Variants in IMMP2L observed in about 807,000 individuals in gnomAD.
The protein encoded by IMMP2L is mitochondrial inner membrane protease subunit 2.
Under a neutral mutation model 19.3 loss-of-function variants are expected in IMMP2L, and 18 were observed. The observed-to-expected ratio is 0.93, with a 90% confidence interval of 0.64 to 1.38. The LOEUF (loss-of-function observed/expected upper bound fraction) is 1.38, where lower values mean the gene tolerates loss of function less well. Among genes scored for constraint, IMMP2L ranks in the 40% most tolerant of loss-of-function variants. The pLI is 0.00. For missense variants in IMMP2L, 233 were observed against 218.2 expected, an observed-to-expected ratio of 1.07 and a Z score of -0.43; for synonymous variants, 76 against 73.0, an observed-to-expected ratio of 1.04 and a Z score of -0.21.
intron 3 of IMMP2L, among the ~76,000 whole-genome samples, chr7:111,214,593 T>C (rs1055172922): frequency 5.6e-5 from 8 of 143,142 alleles, no homozygotes; most frequent in African/African-American, 2.0e-4. Flanking sequence ...CCTCAGGTGA[T>C]CCACCTGCCT....
Position 111,349,822 on chromosome 7 carries a change from T to C in IMMP2L, c.239+137416A>G, listed in dbSNP as rs149276906. Among the ~76,000 whole-genome samples the C allele has an allele frequency of 8.5e-5, 13 of 152,250 alleles. No homozygotes were observed. In the East Asian group the frequency reaches 2.1e-3, roughly 25 times the overall value. ...CCTTCTAGCTTGACTTCCTCTCCTA[T>C]TGTCTCTCAGGAGCCCTCTCCCTGT... On this transcript the variant is annotated intron_variant, in intron 3 of 5. Coordinates refer to ENST00000405709, the MANE Select transcript of IMMP2L (RefSeq NM_032549.4).
intron 3 of IMMP2L, among the ~76,000 whole-genome samples, chr7:110,997,061 C>T (rs1413569150): frequency 6.6e-6 from 1 of 152,042 alleles, no homozygotes; most frequent in Non-Finnish European, 1.5e-5. Flanking sequence ...ACACCCACCT[C>T]CTTCCCTCTC....
intron 3 of IMMP2L, among the ~76,000 whole-genome samples, chr7:111,206,327 C>A (rs1055666389): frequency 1.3e-5 from 2 of 152,056 alleles, no homozygotes; most frequent in Non-Finnish European, 1.5e-5. Flanking sequence ...CCAGTAAGTC[C>A]CCTTTAGCTT....
intron 3 of IMMP2L, among the ~76,000 whole-genome samples, chr7:111,044,252 C>G (rs1310368065): frequency 6.6e-6 from 1 of 152,036 alleles, no homozygotes; most frequent in African/African-American, 2.4e-5. Flanking sequence ...TCTCTAAGGA[C>G]CTAGAATCTG....
chr7:110,753,971 C>A (rs1668959264), intron 5 of IMMP2L, among the ~76,000 whole-genome samples: 1 of 151,956 alleles, frequency 6.6e-6, no homozygotes, highest in African/African-American at 2.4e-5. Context: ...ATCTAAGCAT[C>A]CCAGTAAATG....
intron 3 of IMMP2L, among the ~76,000 whole-genome samples, chr7:111,293,299 G>A (rs1214356595): frequency 3.3e-5 from 5 of 151,890 alleles, no homozygotes; most frequent in Admixed American, 2.0e-4. Context: ...CTTTTTGTGA[G>A]AGCAATTTTT....
intron 4 of IMMP2L, among the ~76,000 whole-genome samples, chr7:110,932,017 C>T (rs1585317320): frequency 1.3e-5 from 2 of 152,282 alleles, no homozygotes; most frequent in East Asian, 3.9e-4. Context: ...CCCTCATGCA[C>T]ACCTACCCCA....
chr7:111,276,094 T>C (rs1344545713), intron 3 of IMMP2L, among the ~76,000 whole-genome samples: 2 of 152,060 alleles, frequency 1.3e-5, no homozygotes, highest in African/African-American at 4.8e-5. Context: ...GTCTTATATT[T>C]TCTTTATTAT....
At chr7:111,018,308 C>A (rs770684797) in intron 3 of IMMP2L, among the ~76,000 whole-genome samples, 1 of 152,128 alleles carries the variant, frequency 6.6e-6, no homozygotes, top group Non-Finnish European at 1.5e-5. Flanking sequence ...CAAGTGTTAG[C>A]GGCTCTGTGG....
intron 3 of IMMP2L, among the ~76,000 whole-genome samples, chr7:111,221,767 T>A (rs958108766): frequency 1.3e-5 from 2 of 151,986 alleles, no homozygotes; most frequent in African/African-American, 4.8e-5. Flanking sequence ...GAAATTCATA[T>A]ATAAGGCCAA....
chr7:111,486,522 A>G (rs1002740037), intron 3 of IMMP2L, among the ~76,000 whole-genome samples: 1 of 152,212 alleles, frequency 6.6e-6, no homozygotes, highest in Non-Finnish European at 1.5e-5. Flanking sequence ...CAACATTTTT[A>G]TAAGTATTTG....
chr7:110,881,857 T>C (rs1809675653), intron 5 of IMMP2L, among the ~76,000 whole-genome samples: 1 of 152,224 alleles, frequency 6.6e-6, no homozygotes, highest in Admixed American at 6.5e-5. Context: ...TAGAGTGCTT[T>C]ATGTAATGCA....
At chr7:111,014,783 C>G (rs545444164) in intron 3 of IMMP2L, among the ~76,000 whole-genome samples, 2 of 152,142 alleles carry the variant, frequency 1.3e-5, no homozygotes, top group Admixed American at 6.6e-5. Context: ...GATATTTCTG[C>G]AAATATGACA....
At chr7:110,742,276 T>C (rs1191094333) in intron 5 of IMMP2L, among the ~76,000 whole-genome samples, 1 of 152,184 alleles carries the variant, frequency 6.6e-6, no homozygotes, top group African/African-American at 2.4e-5. Context: ...GGCAATAACA[T>C]AACCAAAAGG....
At chr7:111,124,185 C>T (rs1272768627) in intron 3 of IMMP2L, 19 of 1,613,884 alleles carry the variant, frequency 1.2e-5, no homozygotes, top group Non-Finnish European at 1.5e-5. Flanking sequence ...CCCTGACAGA[C>T]AAGTTCTATG....
chr7:111,311,564 T>C (rs34590719), intron 3 of IMMP2L, among the ~76,000 whole-genome samples: 17 of 152,292 alleles, frequency 1.1e-4, no homozygotes, highest in Non-Finnish European at 2.2e-4. Context: ...ATTTTTGGTA[T>C]GTATTTGTAG....
At chr7:111,379,568 T>C (rs1049490524) in intron 3 of IMMP2L, among the ~76,000 whole-genome samples, 1 of 151,664 alleles carries the variant, frequency 6.6e-6, no homozygotes, top group African/African-American at 2.4e-5. Flanking sequence ...CCTTATCAAG[T>C]GAATATAGTG....
At chr7:110,974,114 A>C (rs1326236207) in intron 3 of IMMP2L, among the ~76,000 whole-genome samples, 1 of 152,140 alleles carries the variant, frequency 6.6e-6, no homozygotes, top group African/African-American at 2.4e-5. Flanking sequence ...AATGGAAATA[A>C]TCTTTAACTG....
chr7:111,402,018 G>A (rs1296183256), intron 3 of IMMP2L, among the ~76,000 whole-genome samples: 1 of 151,624 alleles, frequency 6.6e-6, no homozygotes, highest in Non-Finnish European at 1.5e-5. Context: ...GTTGAGGCAA[G>A]AGGACTGCTT....
Sources: allele counts gnomAD v4.1 joint callset (sites outside exome capture counted in the v4.1 genomes callset), GRCh38; gene constraint gnomAD v4.1.1; transcripts MANE v1.5; gene names NCBI Gene and HGNC (gene_info 2026-07-23, HGNC 2026-07-21).